The following SLIT2 variants were observed in gnomAD, a reference collection of about 807,000 sequenced individuals.
SLIT2 encodes slit homolog 2 protein.
Under a neutral mutation model 185.7 loss-of-function variants are expected in SLIT2, and 41 were observed. That is an observed-to-expected ratio of 0.22 (90% CI 0.17 to 0.29). SLIT2 has a LOEUF of 0.29. Among genes scored for constraint, SLIT2 ranks in the 10% least tolerant of loss-of-function variants. The pLI is 1.00. For missense variants in SLIT2, 1,571 were observed against 1,909.0 expected (o/e 0.82, Z 3.30); for synonymous variants, 693 against 680.2 (o/e 1.02, Z -0.29).
At chr4:20,472,295 GATAT>G (rs1205039657) in intron 5 of SLIT2, among the ~76,000 whole-genome samples, 1 of 25,886 alleles carries the variant, frequency 3.9e-5, no homozygotes, top group African/African-American at 2.6e-4. Context: ...TAGATATATA[GATAT>G]ATAGATCTAT....
At chr4:20,542,992 A>G (rs1722947570) in intron 21 of SLIT2, among the ~76,000 whole-genome samples, 1 of 152,042 alleles carries the variant, frequency 6.6e-6, no homozygotes, top group Non-Finnish European at 1.5e-5. Context: ...AGCATCTTAC[A>G]AGACTAATGG....
intron 29 of SLIT2, among the ~76,000 whole-genome samples, chr4:20,572,968 C>A (rs190760338): frequency 6.6e-6 from 1 of 152,306 alleles, no homozygotes; most frequent in East Asian, 1.9e-4. Flanking sequence ...CATTCAGTGT[C>A]CATCTTAAAC....
chr4:20,433,722 T>C (rs1729148629), intron 4 of SLIT2, among the ~76,000 whole-genome samples: 1 of 152,224 alleles, frequency 6.6e-6, no homozygotes, highest in South Asian at 2.1e-4. Context: ...AGTGAGTTTT[T>C]AACTCTGGTT....
chr4:20,607,653 CT>C (rs1728891974), intron 33 of SLIT2, among the ~76,000 whole-genome samples: 1 of 152,158 alleles, frequency 6.6e-6, no homozygotes, highest in Non-Finnish European at 1.5e-5. Context: ...AGTGTGTTAA[CT>C]TAAACCACAC....
At chr4:20,510,906 T>C (rs1719637634) in intron 10 of SLIT2, among the ~76,000 whole-genome samples, 160 bp from the exon 11 acceptor site, 1 of 152,188 alleles carries the variant, frequency 6.6e-6, no homozygotes, top group Non-Finnish European at 1.5e-5. Flanking sequence ...AAGTATGATT[T>C]CTTTTTTAAA....
intron 4 of SLIT2, among the ~76,000 whole-genome samples, chr4:20,373,013 G>A (rs1483557432): frequency 6.6e-6 from 1 of 152,004 alleles, no homozygotes; most frequent in South Asian, 2.1e-4. Flanking sequence ...CAGTTATTTA[G>A]AAATCATAGG....
At chr4:20,470,533 T>TAA (rs1560450873) in intron 5 of SLIT2, among the ~76,000 whole-genome samples, 6 of 129,706 alleles carry the variant, frequency 4.6e-5, no homozygotes, top group African/African-American at 8.4e-5. Flanking sequence ...TGTGTGTGTG[T>TAA]AATGTAAGGG....
intron 4 of SLIT2, among the ~76,000 whole-genome samples, chr4:20,344,635 CCTT>C (rs1560336720): frequency 3.3e-5 from 5 of 152,124 alleles, no homozygotes; most frequent in African/African-American, 1.2e-4. Context: ...TGATTTGTAT[CCTT>C]TTTCTGTCTC....
At chr4:20,320,004 T>C (rs1474629712) in intron 4 of SLIT2, among the ~76,000 whole-genome samples, 1 of 152,126 alleles carries the variant, frequency 6.6e-6, no homozygotes, top group Non-Finnish European at 1.5e-5. Context: ...TCATCAGTGA[T>C]CAAAGGATCT....
chr4:20,280,332 C>CAA (rs10585964), intron 4 of SLIT2, among the ~76,000 whole-genome samples: 15 of 87,456 alleles, frequency 1.7e-4, no homozygotes, highest in African/African-American at 3.6e-4. Context: ...GACTCTGTCT[C>CAA]AAAAAAAAAA....
intron 4 of SLIT2, among the ~76,000 whole-genome samples, chr4:20,280,225 T>C (rs984741678): frequency 6.7e-6 from 1 of 149,142 alleles, no homozygotes; most frequent in African/African-American, 2.5e-5. Flanking sequence ...CCCAGCTACT[T>C]GGGAGGCTGA....
intron 9 of SLIT2, among the ~76,000 whole-genome samples, chr4:20,510,118 A>G (rs1039663530): frequency 1.3e-5 from 2 of 152,174 alleles, no homozygotes; most frequent in Non-Finnish European, 2.9e-5. Flanking sequence ...TTATGATTGT[A>G]TCTAAAATAT....
chr4:20,256,984 T>C (rs573609516), intron 2 of SLIT2, among the ~76,000 whole-genome samples: 1 of 152,126 alleles, frequency 6.6e-6, no homozygotes, highest in Non-Finnish European at 1.5e-5. Flanking sequence ...ATCTTTGTTA[T>C]ACCATACCCT....
intron 4 of SLIT2, among the ~76,000 whole-genome samples, chr4:20,378,051 A>T (rs775446403): frequency 1.3e-4 from 20 of 152,140 alleles, no homozygotes; most frequent in Non-Finnish European, 1.0e-4. Flanking sequence ...TGTCATTATG[A>T]TATGTATTAT....
At chr4:20,542,380 G>T (rs1722873546) in intron 20 of SLIT2, 114 bp from the exon 21 acceptor site, 1 of 989,696 alleles carries the variant, frequency 1.0e-6, no homozygotes, top group African/African-American at 1.6e-5. Flanking sequence ...GCAAATAAAT[G>T]ATTATGTAGC....
chr4:20,539,563 C>G lies in SLIT2; in HGVS notation c.1955C>G (p.Thr652Ser), dbSNP rs779357180. 3 of 1,610,692 alleles carry G rather than the reference C, an allele frequency of 1.9e-6. No homozygotes were observed. The highest frequency in any genetic ancestry group is 2.5e-6 in the Non-Finnish European group (3 of 1,177,252). The change falls in exon 19 of 37, where the codon ACT becomes AGT. Residue 652 changes from threonine (T) to serine (S), a missense_variant. By Grantham distance (58) the Thr-to-Ser change is moderately conservative. Coordinates refer to ENST00000504154, the MANE Select transcript of SLIT2 (RefSeq NM_004787.4). ...ACAGTTGCACCAGGGGCATTTGATA[C>G]TCTCCATTCTTTATCTACTCTGTAA... ...ITTVAPGAFDTLHSLSTLNLL... is the reference protein window; with the variant it reads ...ITTVAPGAFDSLHSLSTLNLL...
chr4:20,385,949 C>T (rs1724902440), intron 4 of SLIT2, among the ~76,000 whole-genome samples: 1 of 152,040 alleles, frequency 6.6e-6, no homozygotes, highest in South Asian at 2.1e-4. Context: ...GATGTATCTT[C>T]CCAAATTTAG....
chr4:20,466,611 G>A (rs914095972), intron 4 of SLIT2, among the ~76,000 whole-genome samples: 3 of 152,026 alleles, frequency 2.0e-5, no homozygotes, highest in South Asian at 2.1e-4. Flanking sequence ...CGTATCTGCC[G>A]GTTCTCTCTC....
chr4:20,359,216 TG>T (rs1445544120), intron 4 of SLIT2, among the ~76,000 whole-genome samples: 1 of 152,156 alleles, frequency 6.6e-6, no homozygotes, highest in East Asian at 1.9e-4. Context: ...GACTTTTGAA[TG>T]GGGTCTGGAG....
Sources: allele counts gnomAD v4.1 joint callset (sites outside exome capture counted in the v4.1 genomes callset), GRCh38; gene constraint gnomAD v4.1.1; transcripts MANE v1.5; gene names NCBI Gene and HGNC (gene_info 2026-07-23, HGNC 2026-07-21).